Variants in MINDY2 observed in about 807,000 individuals in gnomAD.
MINDY2 encodes ubiquitin carboxyl-terminal hydrolase MINDY-2.
MINDY2 carries 52 observed loss-of-function variants against 68.2 expected under a neutral mutation model. The ratio of observed to expected loss-of-function variants is 0.76; its 90% CI spans 0.61 to 0.96. MINDY2 has a LOEUF of 0.96. MINDY2 is among the 40% of genes least tolerant of loss of function. The pLI is 0.00. For missense variants in MINDY2, 881 were observed against 773.4 expected, an observed-to-expected ratio of 1.14 and a Z score of -1.65; for synonymous variants, 372 against 303.0, an observed-to-expected ratio of 1.23 and a Z score of -2.36.
chr15:58,791,096 C>T (rs1901857713), intron 2 of MINDY2, among the ~76,000 whole-genome samples: 1 of 149,568 alleles, frequency 6.7e-6, no homozygotes, highest in Non-Finnish European at 1.5e-5. Flanking sequence ...AGGAGAATGG[C>T]TTGAACCCAG....
intron 6 of MINDY2, among the ~76,000 whole-genome samples, chr15:58,845,277 G>A (rs1312772793): frequency 6.6e-6 from 1 of 152,016 alleles, no homozygotes. Flanking sequence ...GTGATGGTGG[G>A]TATCTGTAAT....
At chr15:58,841,943 A>G (rs1285841757) in intron 6 of MINDY2, among the ~76,000 whole-genome samples, 1 of 152,034 alleles carries the variant, frequency 6.6e-6, no homozygotes, top group Non-Finnish European at 1.5e-5. Flanking sequence ...TTGGATTCCT[A>G]TCCTTACCTA....
intron 3 of MINDY2, among the ~76,000 whole-genome samples, chr15:58,804,319 A>G (rs1902873449): frequency 1.3e-5 from 2 of 152,208 alleles, no homozygotes; most frequent in Admixed American, 1.3e-4. Context: ...GTATAAAGTG[A>G]TAAAGTTTAA....
intron 2 of MINDY2, among the ~76,000 whole-genome samples, chr15:58,800,035 A>C (rs1230967823): frequency 6.6e-6 from 1 of 152,232 alleles, no homozygotes; most frequent in Non-Finnish European, 1.5e-5. Flanking sequence ...TATCTTTTGA[A>C]TATAAATACG....
chr15:58,802,903 TG>T (rs1902759429), intron 3 of MINDY2, among the ~76,000 whole-genome samples: 1 of 152,204 alleles, frequency 6.6e-6, no homozygotes, highest in South Asian at 2.1e-4. Flanking sequence ...TTATTGGTGC[TG>T]GAAAAAAGCA....
chr15:58,805,964 C>T (rs935639532), intron 3 of MINDY2, among the ~76,000 whole-genome samples: 13 of 152,166 alleles, frequency 8.5e-5, no homozygotes, highest in Non-Finnish European at 1.6e-4. Flanking sequence ...GTCCCAGCTA[C>T]TCGAGAGGCT....
chr15:58,775,841 T>A (rs1169735117), intron 1 of MINDY2, among the ~76,000 whole-genome samples: 1 of 151,548 alleles, frequency 6.6e-6, no homozygotes, highest in Non-Finnish European at 1.5e-5. Context: ...ATGGACTGGG[T>A]CTCAGTAAAG....
chr15:58,794,699 A>G (rs1464433041), intron 2 of MINDY2, among the ~76,000 whole-genome samples: 4 of 152,118 alleles, frequency 2.6e-5, no homozygotes, highest in African/African-American at 9.7e-5. Context: ...GAAGTATGAG[A>G]GAGAACAGAA....
intron 5 of MINDY2, among the ~76,000 whole-genome samples, chr15:58,830,754 C>T (rs1235590618): frequency 6.6e-6 from 1 of 152,018 alleles, no homozygotes; most frequent in Admixed American, 6.6e-5. Flanking sequence ...AAAAACATGG[C>T]ACTAAATAGA....
chr15:58,826,655 C>A (rs2031416533), intron 5 of MINDY2, among the ~76,000 whole-genome samples: 1 of 152,140 alleles, frequency 6.6e-6, no homozygotes, highest in South Asian at 2.1e-4. Context: ...TATATAATCA[C>A]AATGCAATTA....
chr15:58,796,603 A>G (rs1902298538), intron 2 of MINDY2, among the ~76,000 whole-genome samples: 1 of 152,204 alleles, frequency 6.6e-6, no homozygotes, highest in African/African-American at 2.4e-5. Flanking sequence ...TGCTCACTGC[A>G]ACCTCTGCCT....
chr15:58,846,263 C>T (rs2032530029), intron 6 of MINDY2, among the ~76,000 whole-genome samples: 1 of 152,138 alleles, frequency 6.6e-6, no homozygotes, highest in Non-Finnish European at 1.5e-5. Context: ...ACCACATTTA[C>T]CCTCATGTGA....
chr15:58,793,499 A>T (rs931123510), intron 2 of MINDY2, among the ~76,000 whole-genome samples: 16 of 152,192 alleles, frequency 1.1e-4, no homozygotes, highest in African/African-American at 3.6e-4. Context: ...TTAGATTATG[A>T]TGATAGTTTC....
At chr15:58,837,503 C>T (rs1248233547) in intron 6 of MINDY2, among the ~76,000 whole-genome samples, 1 of 147,940 alleles carries the variant, frequency 6.8e-6, no homozygotes, top group Non-Finnish European at 1.5e-5. Flanking sequence ...AGCCCTGAGC[C>T]CAGGAGGGTG....
At chr15:58,782,599 G>C (rs1233887836) in intron 1 of MINDY2, among the ~76,000 whole-genome samples, 1 of 152,026 alleles carries the variant, frequency 6.6e-6, no homozygotes, top group African/African-American at 2.4e-5. Flanking sequence ...ACTTTTCACT[G>C]GTCACAAAGT....
At chr15:58,831,039 G>A (rs34849581) in intron 5 of MINDY2, among the ~76,000 whole-genome samples, 25,236 of 108,032 alleles carry the variant, frequency 0.23, 2,566 homozygotes, top group East Asian at 0.43. Flanking sequence ...GTGTGTGTGT[G>A]TGTATATATA....
At chr15:58,832,028 C>T (rs1264609110) in intron 6 of MINDY2, 112 bp downstream of exon 6, 2 of 952,980 alleles carry the variant, frequency 2.1e-6, no homozygotes, top group Non-Finnish European at 2.9e-6. Context: ...ATTTCTTAAC[C>T]ATCAAATTAT....
chr15:58,841,806 G>A (rs1438634757), intron 6 of MINDY2, among the ~76,000 whole-genome samples: 4 of 152,182 alleles, frequency 2.6e-5, no homozygotes, highest in Non-Finnish European at 5.9e-5. Context: ...TAGATAGTGA[G>A]ATGACTATTT....
At chr15:58,815,925 G>C (rs148182231) in intron 4 of MINDY2, among the ~76,000 whole-genome samples, 114 of 151,710 alleles carry the variant, frequency 7.5e-4, no homozygotes, top group African/African-American at 2.6e-3. Flanking sequence ...TGATCCGTCT[G>C]CCTCGGCCTC....
Sources: gnomAD v4.1 joint callset for allele counts (sites outside exome capture counted in the v4.1 genomes callset) on GRCh38, gnomAD v4.1.1 for gene constraint, MANE v1.5 for transcripts, NCBI Gene and HGNC (gene_info 2026-07-23, HGNC 2026-07-21) for gene names.